Variants in WDPCP observed in about 807,000 individuals in gnomAD.
WDPCP encodes the protein WD repeat containing planar cell polarity effector.
In WDPCP, 71 loss-of-function variants were observed where a neutral mutation model predicts 93.1. The observed-to-expected ratio is 0.76, with a 90% CI of 0.63 to 0.93. The LOEUF (loss-of-function observed/expected upper bound fraction) is 0.93, where lower values mean the gene tolerates loss of function less well. Among genes scored for constraint, WDPCP ranks in the 40% least tolerant of loss-of-function variants. WDPCP has a pLI of 0.00. For synonymous variants in WDPCP, 315 were observed against 315.0 expected, an observed-to-expected ratio of 1.00 and a Z score of 0.00; for missense variants, 844 against 887.4, an observed-to-expected ratio of 0.95 and a Z score of 0.62.
chr2:63,478,701 A>G (rs1700099804), intron 6 of WDPCP, among the ~76,000 whole-genome samples: 1 of 152,184 alleles, frequency 6.6e-6, no homozygotes, highest in Admixed American at 6.6e-5. Flanking sequence ...GAAAGTTCAT[A>G]GCCTTAAATG....
Position 63,487,305 on chromosome 2 carries a change from T to G in WDPCP, c.208+142A>C, listed in dbSNP as rs1700627794. 11 of 606,934 alleles carry G rather than the reference T, an allele frequency of 1.8e-5. No homozygotes were observed. The South Asian group carries it at 2.5e-4, about 14-fold the overall frequency. 37.6% of individuals were successfully genotyped at this position (606,934 alleles called of 1,614,324 possible). On this transcript the variant is annotated intron_variant, in intron 3 of 17. Transcript: ENST00000272321. ...GAACAGATAGATATCAACCTCAGCA[T>G]TTTTCTAAAGAACTGAAGGGACTTT...
chr2:63,710,538 C>G (rs1558891186), intron 2 of WDPCP, among the ~76,000 whole-genome samples: 2 of 152,134 alleles, frequency 1.3e-5, no homozygotes, highest in Non-Finnish European at 2.9e-5. Context: ...CTTTCCAGAC[C>G]CATGCCGAAC....
intron 13 of WDPCP, among the ~76,000 whole-genome samples, chr2:63,287,518 T>A (rs1203547853): frequency 1.3e-5 from 2 of 152,192 alleles, no homozygotes; most frequent in Non-Finnish European, 2.9e-5. Context: ...AACTTTTTAG[T>A]GCTCCTCCCA....
At chr2:63,406,987 G>A (rs1694639665) in intron 9 of WDPCP, among the ~76,000 whole-genome samples, 1 of 152,106 alleles carries the variant, frequency 6.6e-6, no homozygotes, top group African/African-American at 2.4e-5. Flanking sequence ...TGCCAAAAAT[G>A]CCGTTATTTG....
At chr2:63,244,011 A>AAATT (rs1034244223) in intron 14 of WDPCP, among the ~76,000 whole-genome samples, 1 of 152,186 alleles carries the variant, frequency 6.6e-6, no homozygotes, top group Non-Finnish European at 1.5e-5. Context: ...ATGAAAAAAA[A>AAATT]AATTAAAATC....
intron 14 of WDPCP, among the ~76,000 whole-genome samples, chr2:63,231,471 C>T (rs1386812135): frequency 1.3e-5 from 2 of 152,166 alleles, no homozygotes; most frequent in Non-Finnish European, 2.9e-5. Context: ...TGATAAGCAA[C>T]TTCAGCAAAG....
intron 1 of WDPCP, among the ~76,000 whole-genome samples, chr2:63,825,622 T>G (rs752363768): frequency 6.6e-6 from 1 of 152,052 alleles, no homozygotes; most frequent in South Asian, 2.1e-4. Flanking sequence ...ATACATCCAG[T>G]GCAGATTAGC....
intron 3 of WDPCP, chr2:63,595,423 C>T (rs767500264): frequency 1.1e-5 from 17 of 1,590,820 alleles, no homozygotes; most frequent in Admixed American, 1.7e-5. Flanking sequence ...TATTTGGTAG[C>T]CTATAATTCT....
chr2:63,317,952 A>G (rs1333964550), intron 12 of WDPCP, among the ~76,000 whole-genome samples: 1 of 152,188 alleles, frequency 6.6e-6, no homozygotes, highest in East Asian at 1.9e-4. Flanking sequence ...TCTGCATAAC[A>G]AAAGAAACTA....
At chr2:63,523,005 A>G (rs529837018) in intron 1 of WDPCP, among the ~76,000 whole-genome samples, 1 of 152,142 alleles carries the variant, frequency 6.6e-6, no homozygotes, top group Non-Finnish European at 1.5e-5. Flanking sequence ...ACACACACAA[A>G]AAAGAAAACT....
intron 2 of WDPCP, among the ~76,000 whole-genome samples, chr2:63,703,575 T>C (rs1003794544): frequency 4.0e-5 from 6 of 150,050 alleles, no homozygotes; most frequent in Non-Finnish European, 7.5e-5. Context: ...GGTTTTGTTT[T>C]GTTTTGTTTT....
chr2:63,505,699 G>T (rs1701827695), intron 1 of WDPCP, among the ~76,000 whole-genome samples: 1 of 151,874 alleles, frequency 6.6e-6, no homozygotes, highest in African/African-American at 2.4e-5. Flanking sequence ...TAATGAGTCT[G>T]ATCTCAAAAA....
intron 2 of WDPCP, among the ~76,000 whole-genome samples, chr2:63,725,354 T>C (rs1312894649): frequency 1.3e-5 from 2 of 152,232 alleles, no homozygotes; most frequent in Admixed American, 6.5e-5. Context: ...GTTGCATCCA[T>C]GTTGCTGCAA....
chr2:63,467,548 G>A (rs187115679), intron 6 of WDPCP, among the ~76,000 whole-genome samples: 1 of 151,978 alleles, frequency 6.6e-6, no homozygotes, highest in South Asian at 2.1e-4. Flanking sequence ...GGAGGCCAAG[G>A]CAGGTGGATC....
chr2:63,333,914 T>C (rs548807128), intron 12 of WDPCP, among the ~76,000 whole-genome samples: 1 of 152,220 alleles, frequency 6.6e-6, no homozygotes, highest in Non-Finnish European at 1.5e-5. Context: ...GACAAGTTAA[T>C]AAAAACCCAC....
chr2:63,692,615 T>C (rs1228907408), intron 2 of WDPCP, among the ~76,000 whole-genome samples: 1 of 152,214 alleles, frequency 6.6e-6, no homozygotes, highest in Non-Finnish European at 1.5e-5. Flanking sequence ...CTAAAAGTAA[T>C]GTGATGTTTA....
chr2:63,208,027 ATTTT>A (rs1381945839), intron 14 of WDPCP, among the ~76,000 whole-genome samples: 1 of 151,932 alleles, frequency 6.6e-6, no homozygotes. Flanking sequence ...TTCTAACATG[ATTTT>A]TTTGTTTCTT....
At chr2:63,348,488 G>A (rs1689348440) in intron 12 of WDPCP, among the ~76,000 whole-genome samples, 1 of 152,064 alleles carries the variant, frequency 6.6e-6, no homozygotes, top group Non-Finnish European at 1.5e-5. Context: ...CTTATTGTTG[G>A]TGTTATATTT....
At chr2:63,378,235 A>G (rs1343154644) in intron 12 of WDPCP, 151 bp downstream of exon 12, 4 of 1,066,574 alleles carry the variant, frequency 3.8e-6, no homozygotes, top group Non-Finnish European at 5.4e-6. Context: ...ACAATAACAA[A>G]TTAAATAAGA....
Sources: gnomAD v4.1 joint callset for allele counts (sites outside exome capture counted in the v4.1 genomes callset) on GRCh38, gnomAD v4.1.1 for gene constraint, MANE v1.5 for transcripts, NCBI Gene and HGNC (gene_info 2026-07-23, HGNC 2026-07-21) for gene names.